The following TENT5D variants were observed in gnomAD, a reference collection of about 807,000 sequenced individuals.
TENT5D encodes terminal nucleotidyltransferase 5D.
For synonymous variants in TENT5D, 103 were observed against 100.6 expected (o/e 1.02, Z -0.15); for missense variants, 191 against 287.0 (o/e 0.67, Z 2.42).
chrX:80,340,729 A>T (rs1343819264), intron 2 of TENT5D, among the ~76,000 whole-genome samples: 3 of 111,487 alleles, frequency 2.7e-5, no homozygotes, highest in Non-Finnish European at 3.8e-5. Flanking sequence ...AGCATCTCTG[A>T]CCTCTACTGC....
intron 3 of TENT5D, among the ~76,000 whole-genome samples, chrX:80,357,724 A>G (rs140071546): frequency 2.3e-3 from 256 of 111,215 alleles, no homozygotes; most frequent in Non-Finnish European, 3.6e-3. Context: ...ATATTGTCAA[A>G]ATGACCATAC....
At chrX:80,377,082 T>G (rs1246529251) in intron 3 of TENT5D, among the ~76,000 whole-genome samples, 1 of 111,096 alleles carries the variant, frequency 9.0e-6, no homozygotes, top group Non-Finnish European at 1.9e-5. Flanking sequence ...AAGTCATCCT[T>G]GCAGATAATA....
intron 3 of TENT5D, among the ~76,000 whole-genome samples, chrX:80,410,808 G>A (rs1187873740): frequency 9.2e-6 from 1 of 108,357 alleles, no homozygotes; most frequent in Non-Finnish European, 1.9e-5. Context: ...TGTTTATTGT[G>A]GCATTATTCA....
intron 3 of TENT5D, among the ~76,000 whole-genome samples, chrX:80,387,319 A>G (rs1931036214): frequency 8.9e-6 from 1 of 111,803 alleles, no homozygotes; most frequent in Non-Finnish European, 1.9e-5. Flanking sequence ...TGGGCATTGC[A>G]GAGTTAGGTA....
At chrX:80,428,779 T>C (rs1369834503) in intron 1 of TENT5D, among the ~76,000 whole-genome samples, 1 of 112,157 alleles carries the variant, frequency 8.9e-6, no homozygotes, top group Non-Finnish European at 1.9e-5. Flanking sequence ...CACCTGGTGC[T>C]CTCATCACTT....
At chrX:80,348,758 C>T (rs942013274) in intron 3 of TENT5D, among the ~76,000 whole-genome samples, 1 of 111,568 alleles carries the variant, frequency 9.0e-6, no homozygotes, top group Non-Finnish European at 1.9e-5. Flanking sequence ...GTGAATGCTT[C>T]CAGCTTTTGC....
At chrX:80,439,517 C>T (rs1169198495) in intron 2 of TENT5D, among the ~76,000 whole-genome samples, 1 of 111,361 alleles carries the variant, frequency 9.0e-6, no homozygotes, top group African/African-American at 3.2e-5. Context: ...CCATAATCTA[C>T]ACATTAAGAT....
chrX:80,374,484 C>T (rs930320940), intron 3 of TENT5D, among the ~76,000 whole-genome samples: 2 of 110,869 alleles, frequency 1.8e-5, no homozygotes, highest in African/African-American at 6.6e-5. Context: ...TCCTTTTTCT[C>T]CACAACCTTG....
intron 3 of TENT5D, among the ~76,000 whole-genome samples, chrX:80,363,820 A>G (rs1170261870): frequency 8.9e-6 from 1 of 111,998 alleles, no homozygotes; most frequent in African/African-American, 3.2e-5. Flanking sequence ...AATATTTTTG[A>G]CAAGTAAAAA....
chrX:80,388,793 G>A (rs1207842401), intron 3 of TENT5D, among the ~76,000 whole-genome samples: 1 of 111,598 alleles, frequency 9.0e-6, no homozygotes, highest in Non-Finnish European at 1.9e-5. Context: ...TGGCTCTGAG[G>A]TCAGCACACC....
intron 2 of TENT5D, chrX:80,335,823 T>C (rs1203638292): frequency 9.0e-6 from 1 of 111,529 alleles, no homozygotes; most frequent in African/African-American, 3.3e-5. Context: ...CTTATGGCGT[T>C]AAAAAGCTTC....
chrX:80,417,440 GT>G (rs57010295), upstream of TENT5D, among the ~76,000 whole-genome samples: 23,336 of 92,472 alleles, frequency 0.25, 2,867 homozygotes, highest in East Asian at 0.56. Flanking sequence ...GCTGGTAATA[GT>G]TTTTTTTTTT....
intron 3 of TENT5D, among the ~76,000 whole-genome samples, chrX:80,381,769 A>C (rs1480985853): frequency 8.9e-6 from 1 of 111,920 alleles, no homozygotes; most frequent in Non-Finnish European, 1.9e-5. Flanking sequence ...AAGCTTGTGC[A>C]TGCGTCATGT....
At chrX:80,416,075 G>A (rs995447127), upstream of TENT5D, among the ~76,000 whole-genome samples, 1 of 110,257 alleles carries the variant, frequency 9.1e-6, no homozygotes, top group South Asian at 3.8e-4. Flanking sequence ...TAGTTTGTGT[G>A]TGTAGAGGTA....
At chrX:80,357,458 C>G (rs1387826028) in intron 3 of TENT5D, among the ~76,000 whole-genome samples, 4 of 109,512 alleles carry the variant, frequency 3.7e-5, no homozygotes, top group African/African-American at 1.3e-4. Flanking sequence ...GCCATTCTAA[C>G]TGGTGTGAGA....
At chrX:80,348,702 T>C (rs1930115759) in intron 3 of TENT5D, among the ~76,000 whole-genome samples, 1 of 111,813 alleles carries the variant, frequency 8.9e-6, no homozygotes, top group African/African-American at 3.2e-5. Flanking sequence ...CTATGTTGAA[T>C]GGGAGTGGTG....
At chrX:80,370,027 A>T (rs190862861) in intron 3 of TENT5D, among the ~76,000 whole-genome samples, 205 of 110,840 alleles carry the variant, frequency 1.8e-3, no homozygotes, top group African/African-American at 6.6e-3. Flanking sequence ...GGCTCAAGGG[A>T]TCCTTCCACC....
chrX:80,393,798 C>A (rs964804966), intron 3 of TENT5D, among the ~76,000 whole-genome samples: 2 of 111,740 alleles, frequency 1.8e-5, no homozygotes, highest in Non-Finnish European at 3.8e-5. Context: ...TAAGTGAAAC[C>A]ATGCAGTATT....
At chrX:80,422,273 G>A (rs1931903528) in intron 1 of TENT5D, among the ~76,000 whole-genome samples, 1 of 110,780 alleles carries the variant, frequency 9.0e-6, no homozygotes, top group Non-Finnish European at 1.9e-5. Flanking sequence ...AGGAGTTCAA[G>A]ACCATCCTGA....
Sources: gnomAD v4.1 joint callset for allele counts (sites outside exome capture counted in the v4.1 genomes callset) on GRCh38, gnomAD v4.1.1 for gene constraint, MANE v1.5 for transcripts, NCBI Gene and HGNC (gene_info 2026-07-23, HGNC 2026-07-21) for gene names.